The following SYNE2 variants were observed in gnomAD, a reference collection of about 807,000 sequenced individuals.
SYNE2 encodes the protein spectrin repeat containing nuclear envelope protein 2, also known as nesprin-2.
SYNE2 carries 431 observed loss-of-function variants against 856.3 expected under a neutral mutation model. The ratio of observed to expected loss-of-function variants is 0.50; its 90% CI spans 0.47 to 0.55. The LOEUF (loss-of-function observed/expected upper bound fraction) is 0.55, where lower values mean the gene tolerates loss of function less well. Among genes scored for constraint, SYNE2 ranks in the 20% least tolerant of loss-of-function variants. The pLI, the probability that SYNE2 is intolerant of heterozygous loss-of-function variation, is 0.00. For synonymous variants in SYNE2, 2,923 were observed against 2,872.3 expected (o/e 1.02, Z -0.56); for missense variants, 8,129 against 8,023.2 (o/e 1.01, Z -0.50).
chr14:63,776,004 T>C (rs1887094484), intron 1 of SYNE2, among the ~76,000 whole-genome samples: 2 of 152,228 alleles, frequency 1.3e-5, no homozygotes, highest in Admixed American at 1.3e-4. Flanking sequence ...TATCAATGTA[T>C]TGTTTTTCAT....
chr14:63,839,810 T>C (rs1227213318), intron 1 of SYNE2, among the ~76,000 whole-genome samples: 1 of 152,246 alleles, frequency 6.6e-6, no homozygotes, highest in African/African-American at 2.4e-5. Context: ...TTGTCTTATG[T>C]CTTAAGACAT....
At chr14:63,960,147 G>A (rs991924889) in intron 8 of SYNE2, among the ~76,000 whole-genome samples, 8 of 152,158 alleles carry the variant, frequency 5.3e-5, no homozygotes, top group South Asian at 2.1e-4. Context: ...ATTATTTTAC[G>A]TATCTCTTGG....
rs563807826 is a variant in SYNE2 at position 64,049,950 on chromosome 14, G to A, written c.7643+74G>A. The A allele has an allele frequency of 8.9e-5, 137 of 1,532,658 alleles. 2 individuals carry two copies. The South Asian group carries it at 1.2e-3, about 13-fold the overall frequency. 94.9% of individuals were successfully genotyped at this position (1,532,658 alleles called of 1,614,324 possible). On this transcript the variant is annotated intron_variant, in intron 47 of 115. Coordinates refer to ENST00000555002, the MANE Select transcript of SYNE2 (RefSeq NM_182914.3). ...ATCTGCCACCTTGGACAGGCCCAGG[G>A]TTTTAAGAGTTTATATTGTGAAAGG... is the stretch of plus-strand genomic sequence containing the variant.
intron 2 of SYNE2, among the ~76,000 whole-genome samples, chr14:63,932,794 G>A (rs754239706): frequency 1.3e-5 from 2 of 152,184 alleles, no homozygotes; most frequent in African/African-American, 2.4e-5. Context: ...GCTGGGTGCC[G>A]GCGTTTCTAT....
intron 11 of SYNE2, among the ~76,000 whole-genome samples, chr14:63,974,892 G>GTGTGTATATATATATATATATATATA (rs1375697679): frequency 1.0e-4 from 7 of 67,324 alleles, no homozygotes; most frequent in Non-Finnish European, 1.6e-4. Context: ...GTGTGTGTGT[G>GTGTGTATATATATATATATATATATA]TATATATATA....
chr14:64,216,874 A>G (rs2098668944), intron 108 of SYNE2, among the ~76,000 whole-genome samples: 1 of 151,998 alleles, frequency 6.6e-6, no homozygotes, highest in East Asian at 1.9e-4. Context: ...ACAGGTGTGC[A>G]CCACCATGCC....
intron 57 of SYNE2, among the ~76,000 whole-genome samples, chr14:64,082,451 C>A (rs1389688416): frequency 6.6e-6 from 1 of 152,142 alleles, no homozygotes; most frequent in Non-Finnish European, 1.5e-5. Context: ...ACTCAGCCTG[C>A]AGCAGAGTGC....
chr14:64,220,670 C>T (rs376962725), intron 111 of SYNE2, 33 bp downstream of exon 111: 14 of 1,610,470 alleles, frequency 8.7e-6, no homozygotes, highest in Non-Finnish European at 1.1e-5. Context: ...CTCCCAGAGC[C>T]GGTACCCAGG....
At chr14:63,853,613 A>C (rs1890956575) in intron 1 of SYNE2, among the ~76,000 whole-genome samples, 1 of 151,534 alleles carries the variant, frequency 6.6e-6, no homozygotes, top group African/African-American at 2.4e-5. Flanking sequence ...CGTGAGCTGG[A>C]AGGCGGACAG....
Position 63,954,771 on chromosome 14 carries a change from G to A in SYNE2, c.643G>A (p.Ala215Thr). Residue 215 changes from alanine to threonine, a missense_variant, in exon 8 of 116, where the codon GCT becomes ACT. This residue lies in a region of SYNE2 where 2,422 missense variants were observed against 2,357.4 expected (regional missense o/e 1.03). Coordinates refer to ENST00000555002, the MANE Select transcript of SYNE2 (RefSeq NM_182914.3). ...DFKSSWRNGM[A>T]FLAIIHALRP... ...TAAGTCAAGTTGGAGAAATGGGATG[G>A]CTTTTTTGGCCATCATTCATGCCTT... 6.2e-7 allele frequency: 1 copy of A among 1,614,034 alleles called. No individual in the cohort carries two copies. Among genetic ancestry groups the A allele is most frequent in the South Asian group, 1.1e-5 (1 of 91,082 alleles).
In SYNE2 at chr14:64,210,158, T is replaced by C. The variant is rs775751265; in HGVS notation, c.18723+34T>C. The C allele has an allele frequency of 2.4e-5, 39 of 1,608,280 alleles. No homozygotes were observed. In the South Asian group the frequency reaches 4.1e-4, roughly 17 times the overall value. ...CTCTGCACCTGGCTCGGGTGTAGAT[T>C]TTCCAGGAGACATAACGCACGATAC... On this transcript the variant is annotated intron_variant, in intron 103 of 115. Transcript: ENST00000555002.
intron 70 of SYNE2, among the ~76,000 whole-genome samples, chr14:64,124,478 A>G (rs2097922376): frequency 6.7e-6 from 1 of 148,628 alleles, no homozygotes; most frequent in Non-Finnish European, 1.5e-5. Flanking sequence ...TCCCACCTCT[A>G]CTTGCAAAGT....
At chr14:64,204,112 A>C (rs941396274) in intron 100 of SYNE2, among the ~76,000 whole-genome samples, 2 of 152,250 alleles carry the variant, frequency 1.3e-5, no homozygotes, top group Non-Finnish European at 2.9e-5. Flanking sequence ...GTAATGCTAC[A>C]AATTAAAAAT....
chr14:63,909,653 C>T (rs2095449220), intron 2 of SYNE2, among the ~76,000 whole-genome samples: 1 of 152,136 alleles, frequency 6.6e-6, no homozygotes, highest in African/African-American at 2.4e-5. Context: ...ACCAGCCTGA[C>T]CAACATGGGG....
intron 48 of SYNE2, among the ~76,000 whole-genome samples, chr14:64,054,076 T>C (rs1230037700): frequency 6.6e-6 from 1 of 152,230 alleles, no homozygotes; most frequent in Non-Finnish European, 1.5e-5. Flanking sequence ...AAGCTATAGG[T>C]TCTACGTAGA....
chr14:63,844,809 C>T (rs2139939454), intron 1 of SYNE2, among the ~76,000 whole-genome samples: 1 of 152,090 alleles, frequency 6.6e-6, no homozygotes, highest in Non-Finnish European at 1.5e-5. Context: ...TTTTATGAGG[C>T]CAAGGCGAGA....
chr14:64,077,132 T>C (rs903923896), intron 54 of SYNE2, among the ~76,000 whole-genome samples: 2 of 152,100 alleles, frequency 1.3e-5, no homozygotes, highest in African/African-American at 2.4e-5. Flanking sequence ...CCCTCTATAT[T>C]TGTAACAAAC....
At chr14:63,763,530 C>T (rs1026245966) in intron 1 of SYNE2, among the ~76,000 whole-genome samples, 1 of 151,540 alleles carries the variant, frequency 6.6e-6, no homozygotes, top group African/African-American at 2.4e-5. Context: ...GGTAACATGG[C>T]GAGACCCTGT....
At chr14:64,038,862 G>GAGGGAC in intron 45 of SYNE2, among the ~76,000 whole-genome samples, 1 of 12,442 alleles carries the variant, frequency 8.0e-5, no homozygotes, top group East Asian at 4.5e-3. Context: ...ACCGTGGGGA[G>GAGGGAC]AGGGAGAGGG....
Sources: allele counts gnomAD v4.1 joint callset (sites outside exome capture counted in the v4.1 genomes callset), GRCh38; gene constraint gnomAD v4.1.1; regional missense constraint gnomAD v4.1.1; transcripts MANE v1.5; gene names NCBI Gene and HGNC (gene_info 2026-07-23, HGNC 2026-07-21).